AGBL4: variants seen among roughly 807,000 people sequenced by gnomAD.
The protein encoded by AGBL4 is AGBL carboxypeptidase 4, also known as cytosolic carboxypeptidase 6.
AGBL4 carries 58 observed loss-of-function variants against 66.4 expected under a neutral mutation model. That is an observed-to-expected ratio of 0.87 (90% CI 0.71 to 1.09). The LOEUF (loss-of-function observed/expected upper bound fraction) is 1.09. Ranked by LOEUF, AGBL4 falls within the 50% of genes least tolerant of loss-of-function variation. The probability of loss-of-function intolerance (pLI) is 0.00; values close to 1 mark genes in which losing one functional copy is unlikely to be tolerated. For synonymous variants in AGBL4, 234 were observed against 222.9 expected (o/e 1.05, Z -0.44); for missense variants, 579 against 631.0 (o/e 0.92, Z 0.88).
intron 11 of AGBL4, among the ~76,000 whole-genome samples, chr1:48,551,719 C>T (rs1051396656): frequency 2.6e-5 from 4 of 151,978 alleles, no homozygotes; most frequent in African/African-American, 9.7e-5. Flanking sequence ...CCTTGGTTTC[C>T]TCTCCTGTAA....
chr1:49,112,114 ACATGTATAACATGTGTG>A lies in AGBL4; in HGVS notation c.378-66331_378-66315del, dbSNP rs373190406. 6.6e-3 allele frequency among the ~76,000 whole-genome samples: 1,000 copies of A among 152,338 alleles called. 18 individuals are homozygous for A. Among genetic ancestry groups the A allele is most frequent in the African/African-American group, 0.022 (925 of 41,570 alleles). On this transcript the variant is annotated intron_variant, in intron 4 of 13. Transcript: ENST00000371839. ...AATTTTAAAGACTCTGAAAGGGGCA[ACATGTATAACATGTGTG>A]AGGTCTGAGATTTGAAGTGATTAAG...
intron 11 of AGBL4, among the ~76,000 whole-genome samples, chr1:48,545,880 T>G (rs1272281590): frequency 1.3e-5 from 2 of 152,234 alleles, no homozygotes; most frequent in African/African-American, 4.8e-5. Context: ...GAACATTTAC[T>G]GTTCATTCTC....
intron 4 of AGBL4, among the ~76,000 whole-genome samples, chr1:49,231,400 A>G (rs1346874880): frequency 6.6e-6 from 1 of 152,210 alleles, no homozygotes; most frequent in African/African-American, 2.4e-5. Flanking sequence ...ACTGGATCCT[A>G]TCCCAGACCA....
At chr1:49,655,322 G>A (rs1006683339) in intron 3 of AGBL4, among the ~76,000 whole-genome samples, 3 of 152,140 alleles carry the variant, frequency 2.0e-5, no homozygotes, top group Admixed American at 6.5e-5. Context: ...AGTCTGATGG[G>A]CTTCCCTTTG....
At chr1:48,816,819 A>G (rs546814472) in intron 6 of AGBL4, among the ~76,000 whole-genome samples, 1 of 152,354 alleles carries the variant, frequency 6.6e-6, no homozygotes, top group South Asian at 2.1e-4. Flanking sequence ...GGAAAAAGAT[A>G]TCATAGTATG....
chr1:49,751,904 CA>C (rs1451029731), intron 2 of AGBL4, among the ~76,000 whole-genome samples: 4 of 151,028 alleles, frequency 2.6e-5, no homozygotes, highest in African/African-American at 9.7e-5. Context: ...GCTTGTATTT[CA>C]GTGGGATCAG....
At chr1:48,587,538 G>A (rs1235083323) in intron 10 of AGBL4, among the ~76,000 whole-genome samples, 1 of 151,976 alleles carries the variant, frequency 6.6e-6, no homozygotes, top group African/African-American at 2.4e-5. Context: ...TGAGGTGGAA[G>A]GATTGCTTGA....
intron 3 of AGBL4, among the ~76,000 whole-genome samples, chr1:49,321,796 C>A (rs563031635): frequency 2.2e-4 from 34 of 152,228 alleles, no homozygotes; most frequent in African/African-American, 8.2e-4. Context: ...TCTGAACATA[C>A]TTCTATATAT....
chr1:48,724,007 A>G (rs984679149), intron 6 of AGBL4, among the ~76,000 whole-genome samples: 3 of 152,220 alleles, frequency 2.0e-5, no homozygotes, highest in Admixed American at 2.0e-4. Flanking sequence ...CCATGTATGG[A>G]GAACTATGGG....
At chr1:49,854,087 T>C (rs1646372391) in intron 1 of AGBL4, among the ~76,000 whole-genome samples, 2 of 152,038 alleles carry the variant, frequency 1.3e-5, no homozygotes, top group African/African-American at 4.8e-5. Context: ...AAAATAGCAA[T>C]GTATTGTCTG....
chr1:49,435,538 T>G (rs992743140), intron 3 of AGBL4, among the ~76,000 whole-genome samples: 4 of 152,146 alleles, frequency 2.6e-5, no homozygotes, highest in African/African-American at 9.7e-5. Flanking sequence ...CATGTGCTTG[T>G]GGGAATTGGA....
At chr1:49,961,422 T>C (rs1657111426) in intron 1 of AGBL4, among the ~76,000 whole-genome samples, 1 of 151,902 alleles carries the variant, frequency 6.6e-6, no homozygotes, top group African/African-American at 2.4e-5. Flanking sequence ...AGACATCACT[T>C]TGAGCCCAGG....
intron 1 of AGBL4, among the ~76,000 whole-genome samples, chr1:50,009,257 A>C (rs184347252): frequency 1.3e-5 from 2 of 152,320 alleles, no homozygotes; most frequent in Admixed American, 1.3e-4. Context: ...TGATGCAAAA[A>C]TCCTCAACAA....
At chr1:49,058,939 G>A (rs1242382104) in intron 4 of AGBL4, among the ~76,000 whole-genome samples, 2 of 152,108 alleles carry the variant, frequency 1.3e-5, no homozygotes, top group African/African-American at 4.8e-5. Flanking sequence ...ATTTCTGAAT[G>A]GCAAAGGGTT....
intron 3 of AGBL4, among the ~76,000 whole-genome samples, chr1:49,638,493 T>G (rs1251828560): frequency 2.6e-5 from 4 of 152,178 alleles, no homozygotes; most frequent in Non-Finnish European, 5.9e-5. Context: ...ACGGATATAG[T>G]TTCGCTGTGT....
rs148955039 is a variant in AGBL4 at position 49,282,225 on chromosome 1, A to C, written c.283-36361T>G. ...ATTAAAAGTTACAGTAGGAAAACCT[A>C]CTTTTTTTGTATGTCTTACAGGAAG... is the stretch of plus-strand genomic sequence containing the variant. On this transcript the variant is annotated intron_variant, in intron 3 of 13. Transcript: ENST00000371839. Among the ~76,000 whole-genome samples, 933 of 152,246 alleles carry C rather than the reference A, an allele frequency of 6.1e-3. 9 individuals are homozygous for C. The highest frequency in any genetic ancestry group is 0.021 in the African/African-American group (868 of 41,546).
intron 4 of AGBL4, among the ~76,000 whole-genome samples, chr1:49,118,488 GA>G (rs1158178362): frequency 6.6e-6 from 1 of 150,540 alleles, no homozygotes; most frequent in Non-Finnish European, 1.5e-5. Context: ...GTGTTTATGT[GA>G]TCGATTACAT....
At chr1:48,935,655 T>C (rs1250627161) in intron 5 of AGBL4, among the ~76,000 whole-genome samples, 2 of 151,832 alleles carry the variant, frequency 1.3e-5, no homozygotes, top group African/African-American at 4.8e-5. Context: ...GTTACCTGGT[T>C]TTGTAAACAA....
chr1:48,880,978 AT>A (rs1009076161), intron 5 of AGBL4, among the ~76,000 whole-genome samples: 2 of 152,160 alleles, frequency 1.3e-5, no homozygotes, highest in African/African-American at 4.8e-5. Context: ...GTTTACTTAA[AT>A]TTTAATATAA....
Sources: gnomAD v4.1 joint callset for allele counts (sites outside exome capture counted in the v4.1 genomes callset) on GRCh38, gnomAD v4.1.1 for gene constraint, MANE v1.5 for transcripts, NCBI Gene and HGNC (gene_info 2026-07-23, HGNC 2026-07-21) for gene names.